The following JPH3 variants were observed in gnomAD, a reference collection of about 807,000 sequenced individuals.
The protein encoded by JPH3 is junctophilin-3.
Under a neutral mutation model 59.6 loss-of-function variants are expected in JPH3, and 11 were observed. The ratio of observed to expected loss-of-function variants is 0.18; its 90% confidence interval spans 0.12 to 0.31. JPH3 has a LOEUF of 0.31. JPH3 is among the 10% of genes least tolerant of loss of function. JPH3 has a pLI of 1.00. For synonymous variants in JPH3, 673 were observed against 483.6 expected, an observed-to-expected ratio of 1.39 and a Z score of -5.14; for missense variants, 1,202 against 1,105.7, an observed-to-expected ratio of 1.09 and a Z score of -1.24.
At position 87,696,971 on chromosome 16, in the gene JPH3, C is replaced by T. The variant is rs571986072; in HGVS notation, c.*311C>T. ...GATCCCGGCACATCAGTGGTAACAG[C>T]GGACGTTGTCCTCGTGGTCACACGT... is the stretch of plus-strand genomic sequence containing the variant. On this transcript the variant is annotated 3_prime_UTR_variant, in exon 5 of 5. Transcript: ENST00000284262. 213 of 375,192 alleles carry T rather than the reference C, an allele frequency of 5.7e-4. No individual in the cohort carries two copies. Among genetic ancestry groups the T allele is most frequent in the Non-Finnish European group, 8.0e-4 (159 of 197,714 alleles). 23.2% of individuals were successfully genotyped at this position (375,192 alleles called of 1,614,324 possible).
intron 1 of JPH3, among the ~76,000 whole-genome samples, chr16:87,635,841 C>G (rs1330703812): frequency 1.3e-5 from 2 of 152,218 alleles, no homozygotes; most frequent in African/African-American, 4.8e-5. Flanking sequence ...TGCAGCAGAG[C>G]CGGGGGCTCC....
intron 2 of JPH3, among the ~76,000 whole-genome samples, chr16:87,666,603 G>T (rs1418542973): frequency 6.6e-6 from 1 of 152,154 alleles, no homozygotes; most frequent in African/African-American, 2.4e-5. Context: ...TCCCTATGTT[G>T]GTCAGGCTGG....
At chr16:87,643,565 C>A (rs2032027180) in intron 1 of JPH3, among the ~76,000 whole-genome samples, 1 of 152,180 alleles carries the variant, frequency 6.6e-6, no homozygotes, top group Admixed American at 6.5e-5. Flanking sequence ...AGTGTGTAGC[C>A]CACACCTGTG....
At chr16:87,605,041 T>A in intron 1 of JPH3, 1 of 428,040 alleles carries the variant, frequency 2.3e-6, no homozygotes, top group Non-Finnish European at 4.7e-6. Flanking sequence ...TGTGGGTGGC[T>A]GAGACAGGCA....
At chr16:87,635,698 C>G (rs1234835663) in intron 1 of JPH3, among the ~76,000 whole-genome samples, 2 of 152,228 alleles carry the variant, frequency 1.3e-5, no homozygotes, top group African/African-American at 4.8e-5. Context: ...ATCTCATCCG[C>G]TCTCTGCGAG....
At chr16:87,687,961 T>A (rs1011917847) in intron 3 of JPH3, among the ~76,000 whole-genome samples, 10 of 152,122 alleles carry the variant, frequency 6.6e-5, no homozygotes, top group Non-Finnish European at 1.2e-4. Flanking sequence ...ATGTGGGTGA[T>A]CCGTGGGCAT....
At chr16:87,646,064 G>A (rs1198569232) in intron 2 of JPH3, among the ~76,000 whole-genome samples, 1 of 152,198 alleles carries the variant, frequency 6.6e-6, no homozygotes, top group African/African-American at 2.4e-5. Flanking sequence ...GAGTCCATGG[G>A]CTGCCCAGGC....
At chr16:87,655,644 T>A (rs2032474756) in intron 2 of JPH3, among the ~76,000 whole-genome samples, 3 of 152,374 alleles carry the variant, frequency 2.0e-5, no homozygotes, top group Admixed American at 1.3e-4. Flanking sequence ...TGAGCCACTA[T>A]GCCTGGCCAA....
Position 87,603,262 on chromosome 16 carries a change from A to T in JPH3, c.116A>T (p.Tyr39Phe). The T allele has an allele frequency of 5.6e-6, 9 of 1,613,700 alleles. No homozygotes were observed. The highest frequency in any genetic ancestry group is 7.6e-6 in the Non-Finnish European group (9 of 1,179,922). ...ACCGGCCCCAAGGGCCAAGGCGAAT[A>T]CACCGGCTCGTGGAGCCACGGCTTC... The part of the protein sequence containing the change: ...VCTGPKGQGE[Y>F]TGSWSHGFEV... The change falls in exon 1 of 5, where the codon TAC becomes TTC. Residue 39 changes from tyrosine (Y) to phenylalanine (F), a missense_variant. Coordinates refer to ENST00000284262, the MANE Select transcript of JPH3 (RefSeq NM_020655.4).
chr16:87,684,832 G>T (rs1251033260), intron 3 of JPH3, among the ~76,000 whole-genome samples: 1 of 152,180 alleles, frequency 6.6e-6, no homozygotes, highest in African/African-American at 2.4e-5. Context: ...CCTTCGAGGG[G>T]GGGATCATGG....
intron 3 of JPH3, among the ~76,000 whole-genome samples, chr16:87,689,002 G>A (rs979095497): frequency 2.6e-5 from 4 of 152,142 alleles, no homozygotes; most frequent in Admixed American, 6.5e-5. Flanking sequence ...CTGAGCCACC[G>A]GCAGACGACA....
At chr16:87,659,503 C>G (rs988685414) in intron 2 of JPH3, among the ~76,000 whole-genome samples, 1 of 151,924 alleles carries the variant, frequency 6.6e-6, no homozygotes, top group Admixed American at 6.6e-5. Context: ...GGGTGAATCA[C>G]TTGAGGTCAG....
intron 2 of JPH3, among the ~76,000 whole-genome samples, chr16:87,674,005 G>A (rs1470022863): frequency 6.7e-6 from 1 of 150,190 alleles, no homozygotes; most frequent in African/African-American, 2.4e-5. Context: ...TGCTGATATG[G>A]AACAATCTCC....
chr16:87,654,811 G>C (rs1255100560), intron 2 of JPH3: 1 of 152,276 alleles, frequency 6.6e-6, no homozygotes, highest in African/African-American at 2.4e-5. Flanking sequence ...TGGAGATGCT[G>C]CTCCCGTGGG....
chr16:87,661,617 A>G (rs534757926), intron 2 of JPH3, among the ~76,000 whole-genome samples: 23 of 152,038 alleles, frequency 1.5e-4, no homozygotes, highest in African/African-American at 5.3e-4. Flanking sequence ...CCGAGAACAC[A>G]CCCCACTTTA....
intron 2 of JPH3, among the ~76,000 whole-genome samples, chr16:87,681,965 A>T (rs1030694398): frequency 4.6e-5 from 7 of 152,146 alleles, no homozygotes; most frequent in Non-Finnish European, 1.0e-4. Flanking sequence ...GAATCTGATG[A>T]AAGCTGTGGA....
At chr16:87,623,641 C>A (rs1177028675) in intron 1 of JPH3, among the ~76,000 whole-genome samples, 1 of 152,214 alleles carries the variant, frequency 6.6e-6, no homozygotes, top group African/African-American at 2.4e-5. Flanking sequence ...GAGTTCCGGA[C>A]CCCCTCACCT....
chr16:87,651,322 A>G (rs2032319153), intron 2 of JPH3, among the ~76,000 whole-genome samples: 1 of 152,256 alleles, frequency 6.6e-6, no homozygotes. Context: ...CTAACATAAC[A>G]TCCAGCATGC....
intron 3 of JPH3, 151 bp from the exon 4 acceptor site, chr16:87,689,495 C>T: frequency 5.0e-6 from 4 of 798,510 alleles, no homozygotes; most frequent in Non-Finnish European, 7.9e-6. Context: ...GCCACGGTCC[C>T]CACTCCCCTC....
Sources: allele counts gnomAD v4.1 joint callset (sites outside exome capture counted in the v4.1 genomes callset), GRCh38; gene constraint gnomAD v4.1.1; transcripts MANE v1.5; gene names NCBI Gene and HGNC (gene_info 2026-07-23, HGNC 2026-07-21).